Variants in RASA2 observed in about 807,000 individuals in gnomAD.
RASA2 encodes the protein ras GTPase-activating protein 2.
Under a neutral mutation model 118.2 loss-of-function variants are expected in RASA2, and 155 were observed. That is an observed-to-expected ratio of 1.31 (90% CI 1.15 to 1.50). RASA2 has a LOEUF of 1.50. RASA2 is among the 40% of genes most tolerant of loss of function. The pLI, the probability that RASA2 is intolerant of heterozygous loss-of-function variation, is 0.00. For missense variants in RASA2, 1,016 were observed against 1,009.6 expected (o/e 1.01, Z -0.09); for synonymous variants, 353 against 349.1 (o/e 1.01, Z -0.12).
chr3:141,552,017 A>G (rs1324463616), intron 5 of RASA2, among the ~76,000 whole-genome samples: 1 of 152,134 alleles, frequency 6.6e-6, no homozygotes, highest in African/African-American at 2.4e-5. Flanking sequence ...AATATATGTA[A>G]TGAATAACCT....
Position 141,559,908 on chromosome 3 carries a change from A to G in RASA2, c.776A>G (p.Asn259Ser). 1 of 1,613,146 alleles carries G rather than the reference A, an allele frequency of 6.2e-7. No homozygotes were observed. The highest frequency in any genetic ancestry group is 1.1e-5 in the South Asian group (1 of 91,062). ...EKLEIRIDLW[N>S]NGNLVQDVFL... ...TCAATTTTCAGGATCGACTTGTGGA[A>G]CAATGGAAACCTAGTCCAAGATGTT... Residue 259 changes from asparagine to serine, a missense_variant, in exon 9 of 24, where the codon AAC (asparagine) becomes AGC (serine). By Grantham distance (46) the Asn-to-Ser change is conservative. Around this residue, in one of 2 missense-constraint regions of RASA2, gnomAD observed 896 missense variants for 836.4 expected, o/e 1.07. Transcript: ENST00000286364.
At chr3:141,553,433 T>G (rs1411046918) in intron 5 of RASA2, among the ~76,000 whole-genome samples, 2 of 152,024 alleles carry the variant, frequency 1.3e-5, no homozygotes, top group African/African-American at 4.8e-5. Context: ...TCTTATTTTT[T>G]TTTTGAGTAT....
At chr3:141,580,041 G>T (rs1395305887) in intron 15 of RASA2, among the ~76,000 whole-genome samples, 1 of 117,000 alleles carries the variant, frequency 8.5e-6, no homozygotes, top group East Asian at 2.6e-4. Flanking sequence ...GGGCAACAGA[G>T]TGAGACTCCA....
chr3:141,577,306 A>G (rs1391120658), intron 15 of RASA2, among the ~76,000 whole-genome samples, 200 bp downstream of exon 15: 1 of 152,196 alleles, frequency 6.6e-6, no homozygotes, highest in Non-Finnish European at 1.5e-5. Context: ...AAGATGTTCT[A>G]CAAGAGTAAT....
chr3:141,534,977 T>C (rs1200839408), intron 4 of RASA2, among the ~76,000 whole-genome samples: 1 of 152,128 alleles, frequency 6.6e-6, no homozygotes, highest in Admixed American at 6.6e-5. Flanking sequence ...AACTCCGAAG[T>C]TGGGATATTT....
intron 19 of RASA2, among the ~76,000 whole-genome samples, chr3:141,593,728 AAG>A (rs1317693086): frequency 7.2e-5 from 11 of 152,210 alleles, no homozygotes; most frequent in Admixed American, 7.2e-4. Flanking sequence ...AAAATCTCAA[AAG>A]AGTGGTGGCG....
chr3:141,491,320 A>C (rs1165863196), intron 1 of RASA2, among the ~76,000 whole-genome samples: 1 of 152,186 alleles, frequency 6.6e-6, no homozygotes, highest in Admixed American at 6.5e-5. Flanking sequence ...CTTCTGAGAC[A>C]CTTCCAGTGC....
chr3:141,604,077 T>TC (rs1432604117), intron 19 of RASA2, among the ~76,000 whole-genome samples: 3 of 152,204 alleles, frequency 2.0e-5, no homozygotes, highest in Admixed American at 2.0e-4. Context: ...GGATGTGTCT[T>TC]CAGCTCTCAT....
chr3:141,517,102 A>G (rs1222906558), intron 3 of RASA2, among the ~76,000 whole-genome samples: 1 of 152,138 alleles, frequency 6.6e-6, no homozygotes, highest in Non-Finnish European at 1.5e-5. Context: ...AGCACCTTAC[A>G]CTTAGTAAGT....
chr3:141,599,894 CTT>C (rs1560061668), intron 19 of RASA2, among the ~76,000 whole-genome samples: 1 of 152,172 alleles, frequency 6.6e-6, no homozygotes, highest in South Asian at 2.1e-4. Context: ...GTAGAACACT[CTT>C]TAAATTGTAA....
intron 9 of RASA2, among the ~76,000 whole-genome samples, chr3:141,570,392 G>C (rs2082899232): frequency 6.6e-6 from 1 of 151,876 alleles, no homozygotes; most frequent in Non-Finnish European, 1.5e-5. Flanking sequence ...ACTGATTTTT[G>C]TATTTTTAGT....
At chr3:141,496,271 G>A (rs550372053) in intron 1 of RASA2, among the ~76,000 whole-genome samples, 1 of 152,284 alleles carries the variant, frequency 6.6e-6, no homozygotes, top group East Asian at 1.9e-4. Context: ...AGGACTTCAT[G>A]TCCAAAACAC....
intron 4 of RASA2, among the ~76,000 whole-genome samples, chr3:141,539,108 T>C (rs775787147): frequency 7.9e-5 from 12 of 152,202 alleles, no homozygotes; most frequent in Non-Finnish European, 1.5e-5. Flanking sequence ...ACAGAAAATA[T>C]GATTTCAAAA....
intron 3 of RASA2, among the ~76,000 whole-genome samples, chr3:141,522,746 C>G (rs996255803): frequency 6.6e-6 from 1 of 152,134 alleles, no homozygotes; most frequent in Admixed American, 6.5e-5. Context: ...TTCTTCACCC[C>G]GTACACTTCA....
chr3:141,517,989 AGT>A (rs1480575188), intron 3 of RASA2, among the ~76,000 whole-genome samples: 1 of 152,082 alleles, frequency 6.6e-6, no homozygotes, highest in African/African-American at 2.4e-5. Context: ...GTCAGACTAG[AGT>A]GTGATCTGTG....
chr3:141,491,028 A>G (rs1038386150), intron 1 of RASA2, among the ~76,000 whole-genome samples: 2 of 152,238 alleles, frequency 1.3e-5, no homozygotes, highest in African/African-American at 2.4e-5. Context: ...TGTCCAATGT[A>G]TACTGGAGTT....
chr3:141,513,345 A>G (rs1356754554), intron 2 of RASA2, among the ~76,000 whole-genome samples: 1 of 152,104 alleles, frequency 6.6e-6, no homozygotes, highest in African/African-American at 2.4e-5. Flanking sequence ...AAAATACTTT[A>G]GTAGCCCAAA....
chr3:141,553,918 GT>G lies in RASA2; in HGVS notation c.592del (p.Ser198LeufsTer2). The G allele has an allele frequency of 6.2e-7, 1 of 1,611,994 alleles. No homozygotes were observed. The highest frequency in any genetic ancestry group is 2.2e-5 in the East Asian group (1 of 44,760). On this transcript the variant is annotated frameshift_variant, in exon 6 of 24. Transcript: ENST00000286364. LOFTEE classifies it high-confidence loss of function. ...NGQSCDPYAT[V>X]SLVGPSRNDQ... ...CCAAAGCTGTGACCCTTATGCAACA[GT>G]TTCTCTAGTGGGCCCTTCTAGGTAA...
intron 5 of RASA2, among the ~76,000 whole-genome samples, chr3:141,545,628 A>G (rs1326762927): frequency 6.6e-6 from 1 of 151,586 alleles, no homozygotes; most frequent in African/African-American, 2.4e-5. Flanking sequence ...TTGTATTTTT[A>G]GTAGAGTTGG....
Sources: gnomAD v4.1 joint callset for allele counts (sites outside exome capture counted in the v4.1 genomes callset) on GRCh38, gnomAD v4.1.1 for gene constraint, gnomAD v4.1.1 regional missense constraint, MANE v1.5 for transcripts, NCBI Gene and HGNC (gene_info 2026-07-23, HGNC 2026-07-21) for gene names.